The following LIMK2 variants were observed in gnomAD, a reference collection of about 807,000 sequenced individuals.
The protein encoded by LIMK2 is LIM domain kinase 2.
LIMK2 carries 35 observed loss-of-function variants against 75.7 expected under a neutral mutation model. That is an observed-to-expected ratio of 0.46 (90% CI 0.35 to 0.61). The LOEUF (loss-of-function observed/expected upper bound fraction) is 0.61, where lower values mean the gene tolerates loss of function less well. LIMK2 is among the 20% of genes least tolerant of loss of function. The probability of loss-of-function intolerance (pLI) is 0.00; values close to 1 mark genes in which losing one functional copy is unlikely to be tolerated. For synonymous variants in LIMK2, 301 were observed against 319.2 expected, an observed-to-expected ratio of 0.94 and a Z score of 0.61; for missense variants, 623 against 831.0, an observed-to-expected ratio of 0.75 and a Z score of 3.08.
chr22:31,258,427 G>A lies in LIMK2; in HGVS notation c.252+1G>A, dbSNP rs2123834286. 1 of 1,614,016 alleles carries A rather than the reference G, an allele frequency of 6.2e-7. No homozygotes were observed. The highest frequency in any genetic ancestry group is 8.5e-7 in the Non-Finnish European group (1 of 1,179,944). ...CCTGCTGATGACAGGGCCTTTTATG[G>A]TGAGTGAATCCCTTCATATCTGCCC... On this transcript the variant is annotated splice_donor_variant, in intron 3 of 15. Coordinates refer to ENST00000331728, the MANE Select transcript of LIMK2 (RefSeq NM_005569.4). LOFTEE classifies it high-confidence loss of function.
chr22:31,213,816 A>AG (rs1170270296), intron 1 of LIMK2, among the ~76,000 whole-genome samples: 1 of 39,550 alleles, frequency 2.5e-5, no homozygotes, highest in Non-Finnish European at 4.5e-5. Flanking sequence ...ATTTCCAGTA[A>AG]CTTTTTTTTT....
chr22:31,248,334 G>T lies in LIMK2; in HGVS notation c.117-9957G>T, dbSNP rs1358921282. On this transcript the variant is annotated intron_variant, in intron 2 of 15. Transcript: ENST00000331728. ...TCTTCCTCCCTCCCTCCCTCATTCA[G>T]GGGTGGGACTGAAGAAGAAGGCTAA... 1.4e-5 allele frequency: 17 copies of T among 1,222,742 alleles called. No homozygotes were observed. In the Admixed American group the frequency reaches 4.3e-4, roughly 31 times the overall value. The allele number at this position is 1,222,742 out of a possible 1,614,324, so 75.7% of individuals were successfully genotyped here.
chr22:31,250,353 G>C (rs922045338), intron 2 of LIMK2, among the ~76,000 whole-genome samples: 1 of 152,182 alleles, frequency 6.6e-6, no homozygotes, highest in African/African-American at 2.4e-5. Context: ...AGGCAGGGAA[G>C]CCAGGGAGGA....
At chr22:31,240,549 G>C (rs1255471011) in intron 2 of LIMK2, among the ~76,000 whole-genome samples, 1 of 151,320 alleles carries the variant, frequency 6.6e-6, no homozygotes, top group Non-Finnish European at 1.5e-5. Context: ...TCAGCCTCCC[G>C]AGGAGCTGTT....
chr22:31,218,997 A>G (rs576268329), intron 1 of LIMK2, among the ~76,000 whole-genome samples: 3 of 152,244 alleles, frequency 2.0e-5, no homozygotes, highest in South Asian at 4.1e-4. Context: ...TGCAGAAACC[A>G]AGCTCTTAGA....
chr22:31,271,741 A>G (rs1482251815), intron 12 of LIMK2, among the ~76,000 whole-genome samples: 1 of 152,012 alleles, frequency 6.6e-6, no homozygotes, highest in Non-Finnish European at 1.5e-5. Flanking sequence ...CGCAATCTTC[A>G]TTCCTTTCCC....
At chr22:31,260,781 G>T (rs938535939) in intron 5 of LIMK2, among the ~76,000 whole-genome samples, 1 of 152,210 alleles carries the variant, frequency 6.6e-6, no homozygotes, top group African/African-American at 2.4e-5. Flanking sequence ...AGAGGGAATT[G>T]TGTTCAGGGC....
intron 2 of LIMK2, among the ~76,000 whole-genome samples, chr22:31,243,598 A>G (rs1251606123): frequency 6.6e-6 from 1 of 152,220 alleles, no homozygotes; most frequent in Non-Finnish European, 1.5e-5. Context: ...CTAAGGAGTC[A>G]GTTTGTTCAG....
intron 2 of LIMK2, among the ~76,000 whole-genome samples, chr22:31,240,756 A>G (rs1233854637): frequency 2.6e-5 from 4 of 152,138 alleles, no homozygotes. Context: ...CGTGAGCACC[A>G]CTGCCGCGTC....
chr22:31,221,341 T>A (rs2048431601), intron 1 of LIMK2, among the ~76,000 whole-genome samples: 1 of 150,034 alleles, frequency 6.7e-6, no homozygotes, highest in African/African-American at 2.5e-5. Context: ...CCTTCCCCCC[T>A]TTTTTGCCCC....
chr22:31,217,284 G>C (rs899806124), intron 1 of LIMK2, among the ~76,000 whole-genome samples: 1 of 152,050 alleles, frequency 6.6e-6, no homozygotes, highest in African/African-American at 2.4e-5. Context: ...TGTAATCCCA[G>C]CTACTCGGGA....
At chr22:31,247,156 G>A (rs527565694) in intron 2 of LIMK2, among the ~76,000 whole-genome samples, 24 of 152,246 alleles carry the variant, frequency 1.6e-4, no homozygotes, top group African/African-American at 5.5e-4. Flanking sequence ...AATGGTGAGC[G>A]GTGTGTGCCT....
intron 7 of LIMK2, among the ~76,000 whole-genome samples, chr22:31,265,140 G>A (rs2048879369): frequency 6.8e-6 from 1 of 146,962 alleles, no homozygotes; most frequent in Non-Finnish European, 1.5e-5. Flanking sequence ...GTTGCAGTGA[G>A]TGGAGATCCC....
intron 10 of LIMK2, 22 bp downstream of exon 10, chr22:31,267,929 C>A: frequency 6.3e-7 from 1 of 1,577,528 alleles, no homozygotes; most frequent in South Asian, 1.2e-5. Context: ...ACCCCATAGT[C>A]TCCAGGAGCC....
At chr22:31,246,115 G>C (rs1452468654) in intron 2 of LIMK2, among the ~76,000 whole-genome samples, 1 of 151,490 alleles carries the variant, frequency 6.6e-6, no homozygotes, top group Non-Finnish European at 1.5e-5. Context: ...GGAGGTTGCA[G>C]TGAGCCAAGA....
rs780985585 is a variant in LIMK2 at position 31,273,455 on chromosome 22, A to G, written c.1562A>G (p.Lys521Arg). 1.8e-5 allele frequency: 29 copies of G among 1,613,112 alleles called. No individual in the cohort carries two copies. The East Asian group carries it at 4.7e-4, about 26-fold the overall frequency. ...YWMAPEMLNG[K>R]SYDETVDIFS... The stretch of plus-strand genomic sequence containing the variant: ...GTGCTCTCCTGTGTTCCCCAAGGAA[A>G]GAGCTATGATGAGACGGTGGATATC... Residue 521 changes from lysine (K) to arginine (R), a missense_variant, in exon 14 of 16, where the codon AAG becomes AGG. By Grantham distance (26) the Lys-to-Arg change is conservative (BLOSUM62 2). Around this residue, in one of 3 missense-constraint regions of LIMK2, gnomAD observed 63 missense variants for 122.8 expected, o/e 0.51. Coordinates refer to ENST00000331728, the MANE Select transcript of LIMK2 (RefSeq NM_005569.4).
rs758158102 is a variant in LIMK2 at position 31,272,521 on chromosome 22, TC to T, written c.1384-7del. On this transcript the variant is annotated splice_region_variant and splice_polypyrimidine_tract_variant and intron_variant, in intron 12 of 15. Transcript: ENST00000331728. ...CCATGAAGTCCTGACCTGTCTTTTA[TC>T]CTACCAGGACAAGACTGTGGTGGTG... 2.5e-6 allele frequency: 4 copies of T among 1,604,540 alleles called. No homozygotes were observed. Among genetic ancestry groups the T allele is most frequent in the Non-Finnish European group, 3.4e-6 (4 of 1,176,432 alleles).
intron 1 of LIMK2, among the ~76,000 whole-genome samples, chr22:31,214,807 G>C (rs1341547658): frequency 6.6e-6 from 1 of 151,996 alleles, no homozygotes; most frequent in Non-Finnish European, 1.5e-5. Context: ...TTTTTGTAGG[G>C]GGTGGGGAGG....
chr22:31,226,853 G>T (rs12627909), intron 2 of LIMK2, among the ~76,000 whole-genome samples: 2 of 144,418 alleles, frequency 1.4e-5, no homozygotes, highest in Admixed American at 1.4e-4. Context: ...CAGGTGATCC[G>T]CCTGCCTCGG....
Sources: allele counts gnomAD v4.1 joint callset (sites outside exome capture counted in the v4.1 genomes callset), GRCh38; gene constraint gnomAD v4.1.1; regional missense constraint gnomAD v4.1.1; transcripts MANE v1.5; gene names NCBI Gene and HGNC (gene_info 2026-07-23, HGNC 2026-07-21).